FRY: variants seen among roughly 807,000 people sequenced by gnomAD.
The protein encoded by FRY is protein furry homolog.
FRY carries 128 observed loss-of-function variants against 348.4 expected under a neutral mutation model. The ratio of observed to expected loss-of-function variants is 0.37; its 90% confidence interval spans 0.32 to 0.43. The LOEUF is 0.43. Ranked by LOEUF, FRY falls within the 20% of genes least tolerant of loss-of-function variation. FRY has a pLI of 1.00. For synonymous variants in FRY, 1,370 were observed against 1,374.7 expected (o/e 1.00, Z 0.08); for missense variants, 2,736 against 3,695.2 (o/e 0.74, Z 6.73).
chr13:32,283,388 T>A (rs1888907752), intron 58 of FRY, among the ~76,000 whole-genome samples: 1 of 152,202 alleles, frequency 6.6e-6, no homozygotes. Flanking sequence ...TTTGGCCTAT[T>A]GCTTTTCTTA....
intron 58 of FRY, among the ~76,000 whole-genome samples, chr13:32,281,986 C>G (rs1888830835): frequency 1.3e-5 from 2 of 152,098 alleles, no homozygotes; most frequent in Admixed American, 1.3e-4. Context: ...GCCTCGGTTC[C>G]CATCATAGGT....
At chr13:32,039,506 G>A (rs114622358) in intron 1 of FRY, among the ~76,000 whole-genome samples, 2,120 of 151,558 alleles carry the variant, frequency 0.014, 50 homozygotes, top group African/African-American at 0.048. Context: ...CCCCCCATAC[G>A]TGTGTGAGAG....
rs371520207 is a variant in FRY, at chr13:32,186,313, A to G, written c.3373A>G (p.Ile1125Val). The G allele has an allele frequency of 6.2e-7, 1 of 1,613,090 alleles. No individual in the cohort carries two copies. The highest frequency in any genetic ancestry group is 8.5e-7 in the Non-Finnish European group (1 of 1,179,228). ...PQQSLRHHLFILFSQWAGPFS... is the reference protein window; with the variant it reads ...PQQSLRHHLFVLFSQWAGPFS... ...GCAAAGTCTGAGGCACCACCTTTTC[A>G]TCTTATTCAGCCAGTGGGCAGGACC... Residue 1125 changes from isoleucine (I) to valine (V), a missense_variant, in exon 27 of 61, where the codon ATC (isoleucine) becomes GTC (valine). Physicochemically the swap from Ile to Val is conservative, Grantham distance 29. Coordinates refer to ENST00000542859, the MANE Select transcript of FRY (RefSeq NM_023037.3).
Position 32,171,062 on chromosome 13 carries a change from T to A in FRY, c.1943T>A (p.Leu648His). ...TTGCGACATATTGCACAAAATTCTC[T>A]TCAGGGTTTACTTGTTGACTTCTCA... ...DELRHIAQNSLQGLLVDFSDW... is the reference protein window; with the variant it reads ...DELRHIAQNSHQGLLVDFSDW... Residue 648 changes from leucine (L) to histidine (H), a missense_variant, in exon 18 of 61, where the codon CTT (leucine) becomes CAT (histidine). Transcript: ENST00000542859. The A allele has an allele frequency of 1.2e-6, 2 of 1,611,342 alleles. No individual in the cohort carries two copies. The highest frequency in any genetic ancestry group is 1.7e-6 in the Non-Finnish European group (2 of 1,177,474).
intron 19 of FRY, 71 bp downstream of exon 19, chr13:32,173,620 A>C: frequency 9.2e-7 from 1 of 1,088,296 alleles, no homozygotes. Context: ...TAAAAACTAC[A>C]AATGATGCAT....
At chr13:32,195,779 T>C (rs1883638738) in intron 29 of FRY, among the ~76,000 whole-genome samples, 1 of 152,228 alleles carries the variant, frequency 6.6e-6, no homozygotes, top group African/African-American at 2.4e-5. Context: ...GGCATCATTG[T>C]ACACTATCTT....
chr13:32,235,182 C>T (rs1159658958), intron 42 of FRY, among the ~76,000 whole-genome samples: 1 of 152,202 alleles, frequency 6.6e-6, no homozygotes, highest in Non-Finnish European at 1.5e-5. Flanking sequence ...TGGTTAGTCT[C>T]CAGTAGACTG....
chr13:32,071,813 G>T (rs1874677060), intron 1 of FRY, among the ~76,000 whole-genome samples: 1 of 152,092 alleles, frequency 6.6e-6, no homozygotes, highest in Non-Finnish European at 1.5e-5. Flanking sequence ...CTATACAATT[G>T]TATGTATAGC....
rs773891324 is a variant in FRY, at chr13:32,155,687, C to A, written c.1651+25C>A. ...GGTGAGTTTCAGAAGTGCATAAGAA[C>A]TAAGCCTTATTAAGCCCTTAAAATG... On this transcript the variant is annotated intron_variant, in intron 15 of 60. Coordinates refer to ENST00000542859, the MANE Select transcript of FRY (RefSeq NM_023037.3). 3.3e-5 allele frequency: 52 copies of A among 1,575,178 alleles called. No homozygotes were observed. In the South Asian group the frequency reaches 5.7e-4, roughly 17 times the overall value.
chr13:32,200,102 A>T (rs888031340), intron 29 of FRY, among the ~76,000 whole-genome samples: 16 of 152,126 alleles, frequency 1.1e-4, no homozygotes, highest in African/African-American at 3.9e-4. Context: ...CTCCTATGAT[A>T]TGTATCAATC....
At chr13:32,113,194 T>C (rs1032696409) in intron 3 of FRY, among the ~76,000 whole-genome samples, 15 of 152,366 alleles carry the variant, frequency 9.8e-5, no homozygotes, top group African/African-American at 3.4e-4. Context: ...ACAGTGAGTA[T>C]CGTGGCCCTC....
Position 32,183,029 on chromosome 13 carries a change from C to A in FRY, c.3049C>A (p.Pro1017Thr). The A allele has an allele frequency of 1.3e-6, 2 of 1,586,742 alleles. No individual in the cohort carries two copies. The highest frequency in any genetic ancestry group is 1.7e-6 in the Non-Finnish European group (2 of 1,156,368). ...AATGAAAGAAGCTCTGGAAAGAAGACCAGAGGTAAGAATTTGAATTTAAAA... is the reference window on the plus strand; with the variant it reads ...AATGAAAGAAGCTCTGGAAAGAAGAACAGAGGTAAGAATTTGAATTTAAAA... ...PLMKEALERR[P>T]ENKKRRERRD... The change falls in exon 24 of 61, where the codon CCA becomes ACA. Residue 1017 changes from proline to threonine, a missense_variant. This residue lies in a region of FRY where 449 missense variants were observed against 576.9 expected (regional missense o/e 0.78). Coordinates refer to ENST00000542859, the MANE Select transcript of FRY (RefSeq NM_023037.3).
intron 1 of FRY, among the ~76,000 whole-genome samples, chr13:32,039,034 T>C (rs988796831): frequency 1.3e-5 from 2 of 152,124 alleles, no homozygotes; most frequent in South Asian, 2.1e-4. Flanking sequence ...TAGGGAGAGG[T>C]ATCCAATGAT....
At chr13:32,137,520 G>C (rs1362841198) in intron 11 of FRY, among the ~76,000 whole-genome samples, 1 of 152,236 alleles carries the variant, frequency 6.6e-6, no homozygotes, top group Non-Finnish European at 1.5e-5. Flanking sequence ...TCCTGTTCAA[G>C]CCACATGGCA....
chr13:32,134,953 C>T lies in FRY; in HGVS notation c.935C>T (p.Ala312Val). Reference protein sequence around the residue: ...LEVKDKDIKHALAGLFVEILV... With the variant: ...LEVKDKDIKHVLAGLFVEILV... ...GTCAAAGACAAAGATATCAAGCATG[C>T]CTTGGCTGGGCTTTTTGTTGAAATA... The change falls in exon 9 of 61, where the codon GCC becomes GTC. Residue 312 changes from alanine to valine, a missense_variant. By Grantham distance (64) the Ala-to-Val change is moderately conservative. This residue lies in a region of FRY where 309 missense variants were observed against 418.1 expected (regional missense o/e 0.74). Coordinates refer to ENST00000542859, the MANE Select transcript of FRY (RefSeq NM_023037.3). 6.2e-7 allele frequency: 1 copy of T among 1,613,188 alleles called. No individual in the cohort carries two copies. The highest frequency in any genetic ancestry group is 8.5e-7 in the Non-Finnish European group (1 of 1,179,118).
intron 1 of FRY, among the ~76,000 whole-genome samples, chr13:32,046,177 G>A (rs979080621): frequency 1.3e-5 from 2 of 152,150 alleles, no homozygotes; most frequent in Non-Finnish European, 2.9e-5. Context: ...TTCAGGCTCT[G>A]GGAAAAGGAT....
rs1229736798 is a variant in FRY, at chr13:32,247,440, T to C, written c.6946T>C (p.Trp2316Arg). ...DLSKIEIHRV[W>R]TSASKELPGK... ...CTCAAAAATAGAAATACATCGAGTG[T>C]GGACTAGTGCTTCCAAGGAATTACC... is the stretch of plus-strand genomic sequence containing the variant. Residue 2316 changes from tryptophan (W) to arginine (R), a missense_variant, in exon 48 of 61, where the codon TGG becomes CGG. Around this residue, in one of 9 missense-constraint regions of FRY, gnomAD observed 789 missense variants for 996.2 expected, o/e 0.79. Transcript: ENST00000542859. 3.7e-6 allele frequency: 6 copies of C among 1,613,468 alleles called. No homozygotes were observed. The highest frequency in any genetic ancestry group is 5.1e-6 in the Non-Finnish European group (6 of 1,179,472).
Position 32,185,052 on chromosome 13 carries a change from C to G in FRY, c.3223C>G (p.Leu1075Val). The change falls in exon 26 of 61, where the codon CTC (leucine) becomes GTC (valine). Residue 1075 changes from leucine to valine, a missense_variant. By Grantham distance (32) the Leu-to-Val change is conservative (BLOSUM62 1). Transcript: ENST00000542859. The stretch of plus-strand genomic sequence containing the variant: ...AGAATATGTGGACTTGACCCGCATG[C>G]TCCTAGAAGCTGAAAATGACAAAGA... ...FLEYVDLTRM[L>V]LEAENDKEVE... is the part of the protein sequence containing the mutation. 6.2e-7 allele frequency: 1 copy of G among 1,613,548 alleles called. No individual in the cohort carries two copies. The highest frequency in any genetic ancestry group is 8.5e-7 in the Non-Finnish European group (1 of 1,179,450).
intron 1 of FRY, among the ~76,000 whole-genome samples, chr13:32,049,943 T>C (rs1432269026): frequency 6.6e-6 from 1 of 152,244 alleles, no homozygotes; most frequent in East Asian, 1.9e-4. Context: ...TATACTCAGC[T>C]AGACAATATG....
Sources: gnomAD v4.1 joint callset for allele counts (sites outside exome capture counted in the v4.1 genomes callset) on GRCh38, gnomAD v4.1.1 for gene constraint, gnomAD v4.1.1 regional missense constraint, MANE v1.5 for transcripts, NCBI Gene and HGNC (gene_info 2026-07-23, HGNC 2026-07-21) for gene names.